Variants in FUCA1 observed in about 807,000 individuals in gnomAD.
The protein encoded by FUCA1 is alpha-L-fucosidase 1.
Under a neutral mutation model 56.8 loss-of-function variants are expected in FUCA1, and 52 were observed. The ratio of observed to expected loss-of-function variants is 0.92; its 90% CI spans 0.73 to 1.15. The LOEUF is 1.15. FUCA1 is among the 50% of genes most tolerant of loss of function. FUCA1 has a pLI of 0.00. For synonymous variants in FUCA1, 230 were observed against 226.6 expected, an observed-to-expected ratio of 1.02 and a Z score of -0.14; for missense variants, 568 against 592.6, an observed-to-expected ratio of 0.96 and a Z score of 0.43.
intron 5 of FUCA1, among the ~76,000 whole-genome samples, chr1:23,850,088 G>C (rs1639225421): frequency 6.6e-6 from 1 of 152,010 alleles, no homozygotes; most frequent in Admixed American, 6.6e-5. Flanking sequence ...GCCAGGACAG[G>C]TGGATTACCT....
intron 5 of FUCA1, among the ~76,000 whole-genome samples, chr1:23,849,866 C>G (rs1639221583): frequency 6.6e-6 from 1 of 151,826 alleles, no homozygotes; most frequent in South Asian, 2.1e-4. Flanking sequence ...CAGGTGTGAG[C>G]CACCGTGCTC....
At chr1:23,861,361 C>T (rs1639510305) in intron 3 of FUCA1, among the ~76,000 whole-genome samples, 1 of 145,922 alleles carries the variant, frequency 6.9e-6, no homozygotes, top group African/African-American at 2.5e-5. Context: ...GGGTGCAGCA[C>T]ACCAGCATGG....
intron 5 of FUCA1, among the ~76,000 whole-genome samples, chr1:23,853,936 C>A (rs1200262801): frequency 2.5e-4 from 38 of 150,406 alleles, no homozygotes; most frequent in African/African-American, 8.3e-4. Flanking sequence ...CGGAAGGCCG[C>A]AGGGTCCTCT....
At chr1:23,854,186 C>G (rs1639341714) in intron 5 of FUCA1, among the ~76,000 whole-genome samples, 174 bp downstream of exon 5, 2 of 151,778 alleles carry the variant, frequency 1.3e-5, no homozygotes, top group Non-Finnish European at 1.5e-5. Flanking sequence ...TCCATCCCAG[C>G]CCCCTCCTAA....
rs929406340 is a variant in FUCA1, at chr1:23,848,632, C to G, written c.1160+17G>C. 11 of 1,613,676 alleles carry G rather than the reference C, an allele frequency of 6.8e-6. No homozygotes were observed. The highest frequency in any genetic ancestry group is 9.3e-6 in the Non-Finnish European group (11 of 1,179,616). Reference sequence around the variant, plus strand: ...GGCACTGTTCTGTTCTTACACACAACAGAAGACAAGACTCACCATACAGAT... The same window carrying G: ...GGCACTGTTCTGTTCTTACACACAAGAGAAGACAAGACTCACCATACAGAT... On this transcript the variant is annotated intron_variant, in intron 6 of 7. Coordinates refer to ENST00000374479, the MANE Select transcript of FUCA1 (RefSeq NM_000147.5).
chr1:23,849,025 T>C (rs1002363728), intron 5 of FUCA1, among the ~76,000 whole-genome samples, 186 bp from the exon 6 acceptor site: 1 of 151,954 alleles, frequency 6.6e-6, no homozygotes, highest in Non-Finnish European at 1.5e-5. Flanking sequence ...TAGAGTGCAA[T>C]GGCGTGATCT....
intron 4 of FUCA1, among the ~76,000 whole-genome samples, chr1:23,859,118 T>C (rs1368217125): frequency 6.6e-6 from 1 of 152,174 alleles, no homozygotes; most frequent in African/African-American, 2.4e-5. Flanking sequence ...TATTTTATTA[T>C]ATGTTTTAAT....
At chr1:23,866,168 C>T (rs562964700) in intron 1 of FUCA1, among the ~76,000 whole-genome samples, 31 of 152,184 alleles carry the variant, frequency 2.0e-4, no homozygotes, top group African/African-American at 6.0e-4. Context: ...AAAAATTAGC[C>T]GGGCATGGTG....
intron 3 of FUCA1, among the ~76,000 whole-genome samples, chr1:23,860,476 C>T (rs550240702): frequency 4.0e-5 from 6 of 149,830 alleles, no homozygotes; most frequent in East Asian, 4.1e-4. Context: ...CCCAGCTACT[C>T]GGGAGGCTGA....
chr1:23,865,299 A>T (rs936416659), intron 2 of FUCA1, among the ~76,000 whole-genome samples, 192 bp downstream of exon 2: 1 of 152,212 alleles, frequency 6.6e-6, no homozygotes, highest in Non-Finnish European at 1.5e-5. Flanking sequence ...AACACTGCCA[A>T]TTCAAAGGCC....
intron 5 of FUCA1, among the ~76,000 whole-genome samples, chr1:23,851,296 G>A (rs1450705559): frequency 3.3e-5 from 5 of 151,952 alleles, no homozygotes; most frequent in South Asian, 4.1e-4. Context: ...CCCGGGAGAC[G>A]GCGGTTGCAG....
chr1:23,859,580 A>C (rs1174264038), intron 4 of FUCA1, among the ~76,000 whole-genome samples: 2 of 151,896 alleles, frequency 1.3e-5, no homozygotes, highest in African/African-American at 4.8e-5. Flanking sequence ...AAAAAAAAAA[A>C]AAAACAACAC....
chr1:23,851,721 G>T (rs1023206948), intron 5 of FUCA1, among the ~76,000 whole-genome samples: 2 of 152,204 alleles, frequency 1.3e-5, no homozygotes, highest in Middle Eastern at 3.4e-3. Context: ...CATGGATGAA[G>T]CTGGAAACCA....
intron 5 of FUCA1, among the ~76,000 whole-genome samples, chr1:23,850,473 T>C (rs1339263557): frequency 6.6e-6 from 1 of 151,758 alleles, no homozygotes; most frequent in Non-Finnish European, 1.5e-5. Context: ...TTTTATTTAT[T>C]TATTATTATT....
Position 23,868,171 on chromosome 1 carries a change from G to A in FUCA1, c.116C>T (p.Pro39Leu), listed in dbSNP as rs371134787. The change falls in exon 1 of 8, where the codon CCA (proline) becomes CTA (leucine). Residue 39 changes from proline to leucine, a missense_variant. By Grantham distance (98) the Pro-to-Leu change is moderately conservative. Transcript: ENST00000374479. ...RRAQPPRRYTPDWPSLDSRPL... is the reference protein window; with the variant it reads ...RRAQPPRRYTLDWPSLDSRPL... ...CCGAGAATCCAGGCTCGGCCAGTCT[G>A]GGGTGTAGCGGCGCGGAGGCTGGGC... 1 of 1,607,168 alleles carries A rather than the reference G, an allele frequency of 6.2e-7. No homozygotes were observed. Among genetic ancestry groups the A allele is most frequent in the Non-Finnish European group, 8.5e-7 (1 of 1,177,790 alleles).
At chr1:23,852,100 T>TAATAATAAAAAA (rs370893792) in intron 5 of FUCA1, among the ~76,000 whole-genome samples, 19 of 149,784 alleles carry the variant, frequency 1.3e-4, no homozygotes, top group East Asian at 9.9e-4. Context: ...ATAATAATAA[T>TAATAATAAAAAA]AAAAAGTGGT....
chr1:23,853,277 C>T (rs1312529141), intron 5 of FUCA1, among the ~76,000 whole-genome samples: 2 of 151,376 alleles, frequency 1.3e-5, no homozygotes, highest in Non-Finnish European at 1.5e-5. Flanking sequence ...CCTCTCCGCC[C>T]GGCAGCCACC....
intron 5 of FUCA1, among the ~76,000 whole-genome samples, chr1:23,851,932 G>T (rs1379985685): frequency 6.6e-6 from 1 of 151,786 alleles, no homozygotes; most frequent in Non-Finnish European, 1.5e-5. Context: ...CTAGATATCG[G>T]GTTGATAGTT....
chr1:23,850,851 C>T (rs1219910251), intron 5 of FUCA1, among the ~76,000 whole-genome samples: 3 of 152,072 alleles, frequency 2.0e-5, no homozygotes, highest in African/African-American at 7.2e-5. Context: ...TCTTAAACTC[C>T]TGCCCTCAAG....
Sources: allele counts gnomAD v4.1 joint callset (sites outside exome capture counted in the v4.1 genomes callset), GRCh38; gene constraint gnomAD v4.1.1; transcripts MANE v1.5; gene names NCBI Gene and HGNC (gene_info 2026-07-23, HGNC 2026-07-21).